Variants in DPYD observed in about 807,000 individuals in gnomAD.
The protein encoded by DPYD is dihydropyrimidine dehydrogenase, also known as dihydropyrimidine dehydrogenase [NADP(+)].
In DPYD, 109 loss-of-function variants were observed where a neutral mutation model predicts 116.2. That is an observed-to-expected ratio of 0.94 (90% confidence interval 0.80 to 1.10). DPYD has a LOEUF of 1.10. Ranked by LOEUF, DPYD falls within the 50% of genes least tolerant of loss-of-function variation. The probability of loss-of-function intolerance (pLI) is 0.00; values close to 1 mark genes in which losing one functional copy is unlikely to be tolerated. For missense variants in DPYD, 1,302 were observed against 1,254.5 expected, an observed-to-expected ratio of 1.04 and a Z score of -0.57; for synonymous variants, 440 against 432.0, an observed-to-expected ratio of 1.02 and a Z score of -0.23.
chr1:97,799,654 A>G (rs17117203), intron 3 of DPYD, among the ~76,000 whole-genome samples: 4,343 of 152,002 alleles, frequency 0.029, 203 homozygotes, highest in African/African-American at 0.095. Context: ...CACTGAGAAT[A>G]CTTTAATCCA....
intron 16 of DPYD, among the ~76,000 whole-genome samples, chr1:97,367,477 T>C (rs1051094275): frequency 1.3e-5 from 2 of 152,096 alleles, no homozygotes; most frequent in African/African-American, 4.8e-5. Context: ...TACATCTCCC[T>C]GATGACAAAA....
intron 13 of DPYD, among the ~76,000 whole-genome samples, chr1:97,452,404 T>A (rs1366011533): frequency 6.6e-6 from 1 of 152,184 alleles, no homozygotes; most frequent in African/African-American, 2.4e-5. Context: ...TAAAGTACTG[T>A]ATCTTCAATG....
At chr1:97,736,816 A>T (rs1348991790) in intron 4 of DPYD, among the ~76,000 whole-genome samples, 1 of 150,928 alleles carries the variant, frequency 6.6e-6, no homozygotes, top group Non-Finnish European at 1.5e-5. Context: ...TAGGAATATA[A>T]CAGAGATAGA....
At chr1:97,751,238 C>A (rs1038826653) in intron 3 of DPYD, among the ~76,000 whole-genome samples, 7 of 150,662 alleles carry the variant, frequency 4.6e-5, no homozygotes, top group Non-Finnish European at 1.0e-4. Context: ...AAGAGGATGA[C>A]TTAATATACT....
chr1:97,656,078 T>C (rs568954586), intron 8 of DPYD, among the ~76,000 whole-genome samples: 1 of 152,212 alleles, frequency 6.6e-6, no homozygotes, highest in Non-Finnish European at 1.5e-5. Flanking sequence ...CATTTTTATT[T>C]GTAAATCTAA....
At chr1:97,799,218 C>T (rs1667734192) in intron 3 of DPYD, among the ~76,000 whole-genome samples, 2 of 151,790 alleles carry the variant, frequency 1.3e-5, no homozygotes, top group Non-Finnish European at 1.5e-5. Context: ...CCTCCTCTAG[C>T]CCTATAGAAT....
chr1:97,757,385 C>T (rs768805606), intron 3 of DPYD, among the ~76,000 whole-genome samples: 1 of 152,000 alleles, frequency 6.6e-6, no homozygotes, highest in South Asian at 2.1e-4. Flanking sequence ...TGCAGGAGGC[C>T]CAGCATTTGG....
chr1:97,157,631 G>A (rs1318042855), intron 20 of DPYD, among the ~76,000 whole-genome samples: 1 of 152,012 alleles, frequency 6.6e-6, no homozygotes, highest in African/African-American at 2.4e-5. Context: ...GAACATATGC[G>A]ACAGAAAAAA....
chr1:97,864,823 C>T (rs1010772456), intron 2 of DPYD, among the ~76,000 whole-genome samples: 2 of 151,782 alleles, frequency 1.3e-5, no homozygotes, highest in African/African-American at 4.8e-5. Flanking sequence ...TTCACCGGTG[C>T]AGAGGAGGTG....
chr1:97,416,824 G>A (rs1043251309), intron 14 of DPYD, among the ~76,000 whole-genome samples: 2 of 152,060 alleles, frequency 1.3e-5, no homozygotes, highest in Non-Finnish European at 2.9e-5. Context: ...GGTGCTCATC[G>A]AACCCCCTTT....
intron 14 of DPYD, among the ~76,000 whole-genome samples, chr1:97,413,976 T>G (rs1001895105): frequency 6.6e-6 from 1 of 152,150 alleles, no homozygotes; most frequent in African/African-American, 2.4e-5. Context: ...TATGTATACA[T>G]AGAAGTTATA....
intron 3 of DPYD, among the ~76,000 whole-genome samples, chr1:97,770,838 C>T (rs562175731): frequency 6.6e-6 from 1 of 152,138 alleles, no homozygotes; most frequent in East Asian, 1.9e-4. Flanking sequence ...ATGATATGTG[C>T]ACACATATAC....
intron 3 of DPYD, among the ~76,000 whole-genome samples, chr1:97,791,100 C>T (rs1295626267): frequency 6.6e-6 from 1 of 152,112 alleles, no homozygotes; most frequent in African/African-American, 2.4e-5. Flanking sequence ...CATAAGACAT[C>T]AGGATTACCC....
chr1:97,393,762 G>A (rs1672850058), intron 14 of DPYD, among the ~76,000 whole-genome samples: 1 of 152,132 alleles, frequency 6.6e-6, no homozygotes, highest in African/African-American at 2.4e-5. Context: ...ATGTGTGTAT[G>A]TGTCTTTATA....
chr1:97,127,890 C>T (rs1652969773), intron 20 of DPYD, among the ~76,000 whole-genome samples: 1 of 152,124 alleles, frequency 6.6e-6, no homozygotes, highest in Admixed American at 6.6e-5. Context: ...AGGCCATTAT[C>T]TTCCACACAC....
intron 7 of DPYD, among the ~76,000 whole-genome samples, chr1:97,683,894 TA>T (rs1557881065): frequency 6.6e-6 from 1 of 152,118 alleles, no homozygotes; most frequent in East Asian, 1.9e-4. Flanking sequence ...TGAAGAAAAA[TA>T]AAAATAATAA....
intron 3 of DPYD, among the ~76,000 whole-genome samples, chr1:97,761,930 T>C (rs1055917636): frequency 3.9e-5 from 6 of 152,092 alleles, no homozygotes; most frequent in Admixed American, 6.6e-5. Flanking sequence ...CTACATGCTA[T>C]CACTTATAAG....
At chr1:97,249,388 GAGAAA>G (rs375592101) in intron 18 of DPYD, among the ~76,000 whole-genome samples, 24 of 151,676 alleles carry the variant, frequency 1.6e-4, no homozygotes, top group African/African-American at 5.6e-4. Flanking sequence ...AGGAAGGGGG[GAGAAA>G]AGAAAAGAAA....
chr1:97,664,182 T>C (rs1225620784), intron 8 of DPYD, among the ~76,000 whole-genome samples: 1 of 152,098 alleles, frequency 6.6e-6, no homozygotes, highest in Non-Finnish European at 1.5e-5. Context: ...AGATAATTTA[T>C]TTTATTACTA....
Sources: gnomAD v4.1 joint callset for allele counts (sites outside exome capture counted in the v4.1 genomes callset) on GRCh38, gnomAD v4.1.1 for gene constraint, MANE v1.5 for transcripts, NCBI Gene and HGNC (gene_info 2026-07-23, HGNC 2026-07-21) for gene names.